GRIA3: variants seen among roughly 807,000 people sequenced by gnomAD.
GRIA3 encodes glutamate receptor 3.
A neutral mutation model predicts 63.0 loss-of-function variants in GRIA3; 3 were observed. The observed-to-expected ratio is 0.05, with a 90% CI of 0.02 to 0.12. The LOEUF (loss-of-function observed/expected upper bound fraction) is 0.12, where lower values mean the gene tolerates loss of function less well. Among genes scored for constraint, GRIA3 ranks in the 10% least tolerant of loss-of-function variants. GRIA3 has a pLI of 1.00. For missense variants in GRIA3, 347 were observed against 700.9 expected, an observed-to-expected ratio of 0.50 and a Z score of 5.70; for synonymous variants, 274 against 257.9, an observed-to-expected ratio of 1.06 and a Z score of -0.60.
intron 12 of GRIA3, among the ~76,000 whole-genome samples, chrX:123,435,418 G>A (rs1428628520): frequency 8.9e-6 from 1 of 112,059 alleles, no homozygotes; most frequent in Non-Finnish European, 1.9e-5. Flanking sequence ...GTTTCATAGA[G>A]GAGACAAATG....
At chrX:123,189,213 G>A (rs748309864) in intron 2 of GRIA3, among the ~76,000 whole-genome samples, 11 of 112,237 alleles carry the variant, frequency 9.8e-5, no homozygotes, top group Non-Finnish European at 2.1e-4. Flanking sequence ...TTTCAACTTA[G>A]CTAGATAACC....
intron 3 of GRIA3, among the ~76,000 whole-genome samples, chrX:123,280,173 C>A (rs992739812): frequency 8.9e-6 from 1 of 111,821 alleles, no homozygotes. Context: ...GCTCCCAGGG[C>A]AAATCATTCA....
Position 123,484,019 on chromosome X carries a change from C to G in GRIA3, c.*2+973C>G, listed in dbSNP as rs12557411. Among the ~76,000 whole-genome samples, 627 of 111,566 alleles carry G rather than the reference C, an allele frequency of 5.6e-3. 19 individuals carry two copies. The East Asian group carries it at 0.081, about 14-fold the overall frequency. On this transcript the variant is annotated intron_variant, in intron 15 of 15. Coordinates refer to ENST00000620443, the MANE Select transcript of GRIA3 (RefSeq NM_007325.5). ...GGGAGAGGTGGTTCTTTTAAGTAAA[C>G]AGTGTATAAGTCTGAGATAATTCAC... is the stretch of plus-strand genomic sequence containing the variant.
intron 2 of GRIA3, among the ~76,000 whole-genome samples, chrX:123,221,054 TTTTAAC>T (rs1928275624): frequency 1.8e-5 from 2 of 112,352 alleles, no homozygotes; most frequent in Admixed American, 1.9e-4. Flanking sequence ...TGCATTCAAA[TTTTAAC>T]TTTATTTTTG....
chrX:123,477,271 T>A (rs1277475509), intron 13 of GRIA3, among the ~76,000 whole-genome samples: 1 of 112,636 alleles, frequency 8.9e-6, no homozygotes, highest in Non-Finnish European at 1.9e-5. Context: ...ATTTACCACA[T>A]CAGAAATTAA....
intron 12 of GRIA3, among the ~76,000 whole-genome samples, chrX:123,434,298 C>T (rs971742203): frequency 3.6e-5 from 4 of 111,948 alleles, no homozygotes; most frequent in Non-Finnish European, 5.6e-5. Flanking sequence ...ATTTTTCTCA[C>T]CAAACACCAT....
At chrX:123,362,566 G>A (rs986753515) in intron 5 of GRIA3, among the ~76,000 whole-genome samples, 1 of 111,086 alleles carries the variant, frequency 9.0e-6, no homozygotes, top group African/African-American at 3.3e-5. Flanking sequence ...CCAGGTGGAA[G>A]AGTTTTACCC....
At chrX:123,268,701 T>C (rs1421950003) in intron 3 of GRIA3, among the ~76,000 whole-genome samples, 1 of 110,973 alleles carries the variant, frequency 9.0e-6, no homozygotes, top group Non-Finnish European at 1.9e-5. Context: ...GAAAAATGAA[T>C]TGGCCCATAT....
chrX:123,184,919 G>A (rs1479601495), intron 1 of GRIA3: 2 of 456,650 alleles, frequency 4.4e-6, no homozygotes, highest in East Asian at 4.5e-5. Context: ...GAGGAGCACC[G>A]GAGGCGAGCA....
chrX:123,194,024 G>A (rs1317048124), intron 2 of GRIA3, among the ~76,000 whole-genome samples: 1 of 111,021 alleles, frequency 9.0e-6, no homozygotes, highest in Non-Finnish European at 1.9e-5. Flanking sequence ...CTTCTCCATG[G>A]ATAAATTCTG....
Position 123,404,740 on chromosome X carries a change from T to G in GRIA3, c.1326T>G (p.His442Gln). Residue 442 changes from histidine to glutamine, a missense_variant, in exon 10 of 16, where the codon CAT (histidine) becomes CAG (glutamine). Transcript: ENST00000620443. ...ESPYVMYKKN[H>Q]EQLEGNERYE... is the part of the protein sequence containing the mutation. ...CATATGTAATGTACAAGAAGAACCA[T>G]GAGCAACTGGAAGGAAATGAACGAT... The G allele has an allele frequency of 8.3e-7, 1 of 1,206,925 alleles. No individual in the cohort carries two copies.
At chrX:123,264,440 G>A (rs2044476539) in intron 3 of GRIA3, among the ~76,000 whole-genome samples, 1 of 111,297 alleles carries the variant, frequency 9.0e-6, no homozygotes, top group Non-Finnish European at 1.9e-5. Flanking sequence ...GAGGGAAAGG[G>A]GAGGGAGATG....
intron 3 of GRIA3, among the ~76,000 whole-genome samples, chrX:123,273,655 G>C (rs1274240636): frequency 9.0e-6 from 1 of 111,634 alleles, no homozygotes; most frequent in Non-Finnish European, 1.9e-5. Flanking sequence ...GGCCACGGGG[G>C]CCCAAGACCT....
chrX:123,413,239 T>C (rs2045516627), intron 10 of GRIA3, among the ~76,000 whole-genome samples: 1 of 110,881 alleles, frequency 9.0e-6, no homozygotes, highest in African/African-American at 3.3e-5. Context: ...AGACCCCAAA[T>C]TCCTTAAATT....
chrX:123,475,091 G>A (rs1372998590), intron 13 of GRIA3, among the ~76,000 whole-genome samples: 1 of 112,134 alleles, frequency 8.9e-6, no homozygotes, highest in East Asian at 2.8e-4. Flanking sequence ...TCATCACTGA[G>A]ACACAATTCA....
intron 12 of GRIA3, among the ~76,000 whole-genome samples, chrX:123,455,488 C>T (rs769972927): frequency 1.8e-5 from 2 of 111,981 alleles, no homozygotes; most frequent in South Asian, 3.7e-4. Flanking sequence ...GAGCTATTGA[C>T]TTCTTCAAAA....
chrX:123,379,293 A>C (rs2045306078), intron 5 of GRIA3, among the ~76,000 whole-genome samples: 1 of 111,426 alleles, frequency 9.0e-6, no homozygotes, highest in African/African-American at 3.3e-5. Flanking sequence ...CATTGATTTC[A>C]GGGATACATG....
At chrX:123,333,680 A>T (rs1031556141) in intron 4 of GRIA3, among the ~76,000 whole-genome samples, 1 of 111,506 alleles carries the variant, frequency 9.0e-6, no homozygotes, top group Admixed American at 9.5e-5. Flanking sequence ...AAGTGTTCTT[A>T]GTACCTATAA....
At chrX:123,402,180 T>C (rs761560299) in intron 7 of GRIA3, among the ~76,000 whole-genome samples, 1 of 111,029 alleles carries the variant, frequency 9.0e-6, no homozygotes, top group Non-Finnish European at 1.9e-5. Flanking sequence ...CCTCTATGGC[T>C]TAGCTCTCTT....
Sources: gnomAD v4.1 joint callset for allele counts (sites outside exome capture counted in the v4.1 genomes callset) on GRCh38, gnomAD v4.1.1 for gene constraint, MANE v1.5 for transcripts, NCBI Gene and HGNC (gene_info 2026-07-23, HGNC 2026-07-21) for gene names.